Variants in TRMU observed in about 807,000 individuals in gnomAD.
TRMU encodes the protein tRNA mitochondrial 2-thiouridylase.
Under a neutral mutation model 46.9 loss-of-function variants are expected in TRMU, and 49 were observed. That is an observed-to-expected ratio of 1.05 (90% CI 0.83 to 1.33). The LOEUF is 1.33. Among genes scored for constraint, TRMU ranks in the 40% most tolerant of loss-of-function variants. TRMU has a pLI of 0.00. For missense variants in TRMU, 572 were observed against 532.4 expected, an observed-to-expected ratio of 1.07 and a Z score of -0.73; for synonymous variants, 241 against 200.9, an observed-to-expected ratio of 1.20 and a Z score of -1.69.
At position 46,338,208 on chromosome 22, in the gene TRMU, GCTGTTT is replaced by G. The variant is rs1380872384; in HGVS notation, c.248+270_248+275del. 4.4e-6 allele frequency: 2 copies of G among 458,222 alleles called. No individual in the cohort carries two copies. Among genetic ancestry groups the G allele is most frequent in the African/African-American group, 4.0e-5 (2 of 50,468 alleles). 28.4% of individuals were successfully genotyped at this position (458,222 alleles called of 1,614,324 possible). On this transcript the variant is annotated intron_variant, in intron 2 of 10. Transcript: ENST00000645190. The surrounding 1 kb of genome is among the most constrained non-coding windows in gnomAD (Gnocchi z 4.5). ...TCTTTAATGCTTTCTTGGACCTTGAGCTGTTTCTGTTGCCCAGTTAGGATAGGGGAG... is the reference window on the plus strand; with the variant it reads ...TCTTTAATGCTTTCTTGGACCTTGAGCTGTTGCCCAGTTAGGATAGGGGAG...
At position 46,339,938 on chromosome 22, in the gene TRMU, G is replaced by GA. The variant is rs71905917; in HGVS notation, c.248+2004dup. Among the ~76,000 whole-genome samples, 2,681 of 147,408 alleles carry GA rather than the reference G, an allele frequency of 0.018. 91 individuals are homozygous for GA. The highest frequency in any genetic ancestry group is 0.063 in the African/African-American group (2,566 of 40,584). ...TTCTGCAGTTTTCTCGGGGACATAA[G>GA]AAAAAAAAAAGAGTGTGGCGGCCAA... On this transcript the variant is annotated intron_variant, in intron 2 of 10. Transcript: ENST00000645190. This position sits in a 1 kb window ranked among gnomAD's most constrained non-coding sequence, Gnocchi z 4.8.
intron 8 of TRMU, 54 bp from the exon 9 acceptor site, chr22:46,355,390 G>A (rs985527256): frequency 4.4e-6 from 7 of 1,599,598 alleles, no homozygotes; most frequent in East Asian, 2.3e-5. Context: ...CACTGAGGCC[G>A]GCCTTGGGGC....
rs1209913640 is a variant in TRMU, at chr22:46,342,891, G to T, written c.249-371G>T. Among the ~76,000 whole-genome samples the T allele has an allele frequency of 1.3e-5, 2 of 152,242 alleles. No individual in the cohort carries two copies. Among genetic ancestry groups the T allele is most frequent in the African/African-American group, 4.8e-5 (2 of 41,458 alleles). On this transcript the variant is annotated intron_variant, in intron 2 of 10. Coordinates refer to ENST00000645190, the MANE Select transcript of TRMU (RefSeq NM_018006.5). This position sits in a 1 kb window ranked among gnomAD's most constrained non-coding sequence, Gnocchi z 4.7. ...GAGAATCTGCAAGGGAAGTCTAAAGGATTTCATTTCCACTGTCACTCAGGC... is the reference window on the plus strand; with the variant it reads ...GAGAATCTGCAAGGGAAGTCTAAAGTATTTCATTTCCACTGTCACTCAGGC...
In TRMU at chr22:46,350,142, G is replaced by A; in HGVS notation, c.479-149G>A. On this transcript the variant is annotated intron_variant, in intron 4 of 10. Transcript: ENST00000645190. The surrounding 1 kb of genome is among the most constrained non-coding windows in gnomAD (Gnocchi z 4.6). The stretch of plus-strand genomic sequence containing the variant: ...AATTTTTCTTACATTAACCCGTGGT[G>A]GTCTTTTCCCTAGTAGTTGCTATTG... The A allele has an allele frequency of 6.1e-6, 5 of 818,602 alleles. No individual in the cohort carries two copies. The highest frequency in any genetic ancestry group is 9.6e-6 in the Non-Finnish European group (5 of 520,478). 50.7% of individuals were successfully genotyped at this position (818,602 alleles called of 1,614,324 possible).
At chr22:46,356,310 C>T in intron 10 of TRMU, 1 of 559,510 alleles carries the variant, frequency 1.8e-6, no homozygotes, top group Non-Finnish European at 3.2e-6. Context: ...CCCTGAGAGG[C>T]TCAGCTGCTG....
chr22:46,353,326 T>G (rs1461984301), intron 7 of TRMU: 3 of 223,724 alleles, frequency 1.3e-5, no homozygotes, highest in Non-Finnish European at 2.7e-5. Context: ...GTTTGCCATC[T>G]GCTGTGTGAC....
rs1400260012 is a variant in TRMU at position 46,339,416 on chromosome 22, C to G, written c.248+1472C>G. ...CCACTCGTCTCAGCCTCCCAAAGTG[C>G]TGGGATTACAGGCGTGAGCCACCAC... On this transcript the variant is annotated intron_variant, in intron 2 of 10. Coordinates refer to ENST00000645190, the MANE Select transcript of TRMU (RefSeq NM_018006.5). This position sits in a 1 kb window ranked among gnomAD's most constrained non-coding sequence, Gnocchi z 4.8. Among the ~76,000 whole-genome samples, 5 of 152,234 alleles carry G rather than the reference C, an allele frequency of 3.3e-5. No individual in the cohort carries two copies. The highest frequency in any genetic ancestry group is 7.3e-5 in the Non-Finnish European group (5 of 68,042).
At chr22:46,352,351 C>G in intron 7 of TRMU, 21 bp downstream of exon 7, 1 of 1,613,598 alleles carries the variant, frequency 6.2e-7, no homozygotes, top group Non-Finnish European at 8.5e-7. Flanking sequence ...GACTCTGCCA[C>G]TTGTCATCTG....
chr22:46,336,287 G>T lies in TRMU; in HGVS notation c.82+441G>T. The stretch of plus-strand genomic sequence containing the variant: ...GGGAGGTCCTTGTCCTCCCCACTCA[G>T]CAGACTGGACAACTGCCGCGCGGCG... On this transcript the variant is annotated intron_variant, in intron 1 of 10. Coordinates refer to ENST00000645190, the MANE Select transcript of TRMU (RefSeq NM_018006.5). The surrounding 1 kb of genome is among the most constrained non-coding windows in gnomAD (Gnocchi z 4.1). The T allele has an allele frequency of 3.1e-6, 1 of 323,084 alleles. No individual in the cohort carries two copies. Among genetic ancestry groups the T allele is most frequent in the Non-Finnish European group, 4.6e-6 (1 of 217,932 alleles). The allele number at this position is 323,084 out of a possible 1,614,324, so 20.0% of individuals were successfully genotyped here.
rs559864561 is a variant in TRMU, at chr22:46,349,361, G to A, written c.479-930G>A. Among the ~76,000 whole-genome samples, 97 of 152,288 alleles carry A rather than the reference G, an allele frequency of 6.4e-4. No individual in the cohort carries two copies. Among genetic ancestry groups the A allele is most frequent in the African/African-American group, 2.0e-3 (85 of 41,550 alleles). ...CCGGCTCCAGTCTCCCCTCTGTAAC[G>A]TGGGGAGAATTCTCCCTCTCACGGC... On this transcript the variant is annotated intron_variant, in intron 4 of 10. Transcript: ENST00000645190. This position sits in a 1 kb window ranked among gnomAD's most constrained non-coding sequence, Gnocchi z 4.6.
In TRMU at chr22:46,350,238, G is replaced by A. The variant is rs2078374129; in HGVS notation, c.479-53G>A. The stretch of plus-strand genomic sequence containing the variant: ...TGAACAGAAGGACATTGTTGAAAGT[G>A]AAGTATCATTATTTTTATTCCTGCA... On this transcript the variant is annotated intron_variant, in intron 4 of 10. Coordinates refer to ENST00000645190, the MANE Select transcript of TRMU (RefSeq NM_018006.5). The surrounding 1 kb of genome is among the most constrained non-coding windows in gnomAD (Gnocchi z 4.6). 2 of 1,607,960 alleles carry A rather than the reference G, an allele frequency of 1.2e-6. No individual in the cohort carries two copies. The highest frequency in any genetic ancestry group is 1.3e-5 in the African/African-American group (1 of 74,890).
At chr22:46,346,212 T>C (rs560264563) in intron 3 of TRMU, among the ~76,000 whole-genome samples, 1 of 152,360 alleles carries the variant, frequency 6.6e-6, no homozygotes, top group African/African-American at 2.4e-5. Context: ...CAAGGTTGTA[T>C]CAGCTTAAGA....
At chr22:46,337,524 C>T (rs1339292415) in intron 1 of TRMU, among the ~76,000 whole-genome samples, 3 of 152,176 alleles carry the variant, frequency 2.0e-5, no homozygotes, top group African/African-American at 7.2e-5. Flanking sequence ...CTGATCCCCT[C>T]CTGCTAGGTA....
rs2078633883 is a variant in TRMU, at chr22:46,357,002, T to G, written c.1262T>G (p.Leu421Arg). 9.9e-6 allele frequency: 16 copies of G among 1,613,448 alleles called. No homozygotes were observed. Among genetic ancestry groups the G allele is most frequent in the Non-Finnish European group, 1.4e-5 (16 of 1,179,984 alleles). Residue 421 changes from leucine to arginine, a missense_variant, in exon 11 of 11, where the codon CTC (leucine) becomes CGC (arginine). Transcript: ENST00000645190. ...PEDGPGLSPLL is the reference protein window; with the variant it reads ...PEDGPGLSPLR ...GATGGTCCAGGCCTGAGTCCCTTGC[T>G]CTGACAGAGATGGATCTGCTAGAAG...
intron 8 of TRMU, chr22:46,355,185 C>T (rs938605397): frequency 1.0e-5 from 6 of 587,558 alleles, no homozygotes; most frequent in Admixed American, 2.9e-5. Context: ...GTCATGGGCT[C>T]GGATCTCACC....
chr22:46,353,492 G>A, intron 7 of TRMU: 1 of 400,808 alleles, frequency 2.5e-6, no homozygotes, highest in Admixed American at 3.5e-5. Context: ...AGGGTCAGGG[G>A]CTCCTACAGC....
chr22:46,346,944 T>G (rs1263322641), intron 4 of TRMU, among the ~76,000 whole-genome samples: 1 of 152,278 alleles, frequency 6.6e-6, no homozygotes, highest in East Asian at 1.9e-4. Context: ...AGGCAGACTT[T>G]CAACGTGCTG....
At chr22:46,340,429 C>T (rs76357276) in intron 2 of TRMU, among the ~76,000 whole-genome samples, 339 of 152,346 alleles carry the variant, frequency 2.2e-3, no homozygotes, top group Admixed American at 4.1e-3. Flanking sequence ...TTTTTCAGAA[C>T]GTACGAGTGG....
Position 46,349,517 on chromosome 22 carries a change from C to T in TRMU, c.479-774C>T, listed in dbSNP as rs182847087. Among the ~76,000 whole-genome samples the T allele has an allele frequency of 2.0e-5, 3 of 152,280 alleles. No individual in the cohort carries two copies. In the East Asian group the frequency reaches 5.8e-4, roughly 29 times the overall value. On this transcript the variant is annotated intron_variant, in intron 4 of 10. Transcript: ENST00000645190. This position sits in a 1 kb window ranked among gnomAD's most constrained non-coding sequence, Gnocchi z 4.6. Reference sequence around the variant, plus strand: ...CATGTGGCGTGCTCTGAGTGTAACTCGAAAGGAGAAGTTTATGAGAAAGAT... The same window carrying T: ...CATGTGGCGTGCTCTGAGTGTAACTTGAAAGGAGAAGTTTATGAGAAAGAT...
Sources: gnomAD v4.1 joint callset for allele counts (sites outside exome capture counted in the v4.1 genomes callset) on GRCh38, gnomAD v4.1.1 for gene constraint, Gnocchi (gnomAD v3.1) non-coding constraint, MANE v1.5 for transcripts, NCBI Gene and HGNC (gene_info 2026-07-23, HGNC 2026-07-21) for gene names.